Variants in GYS1 observed in about 807,000 individuals in gnomAD.
The protein encoded by GYS1 is glycogen synthase 1.
A neutral mutation model predicts 89.1 loss-of-function variants in GYS1; 60 were observed. The ratio of observed to expected loss-of-function variants is 0.67; its 90% CI spans 0.55 to 0.84. The LOEUF (loss-of-function observed/expected upper bound fraction) is 0.84. Among genes scored for constraint, GYS1 ranks in the 40% least tolerant of loss-of-function variants. The pLI, the probability that GYS1 is intolerant of heterozygous loss-of-function variation, is 0.00. For missense variants in GYS1, 888 were observed against 1,003.1 expected, an observed-to-expected ratio of 0.89 and a Z score of 1.55; for synonymous variants, 366 against 401.7, an observed-to-expected ratio of 0.91 and a Z score of 1.06.
At position 48,985,907 on chromosome 19, in the gene GYS1, C is replaced by G. The variant is rs767865045; in HGVS notation, c.621G>C (p.Thr207=). The G allele has an allele frequency of 6.2e-7, 1 of 1,614,130 alleles. No individual in the cohort carries two copies. Among genetic ancestry groups the G allele is most frequent in the Non-Finnish European group, 8.5e-7 (1 of 1,180,036 alleles). The change falls in exon 4 of 16, where the codon ACG becomes ACC. Residue 207 remains threonine (T), a synonymous_variant. Transcript: ENST00000323798. ...CGGCACACAGGTAGCGCCCCAGCAG[C>G]GTGGCATGGGTGGTGAAGATGGTTG... The part of the protein sequence containing the change: ...PVATIFTTHA[T]LLGRYLCAGA...
intron 2 of GYS1, among the ~76,000 whole-genome samples, chr19:48,988,598 G>A (rs978073905): frequency 6.6e-6 from 1 of 152,142 alleles, no homozygotes; most frequent in Non-Finnish European, 1.5e-5. Context: ...GATTAGAAGT[G>A]TGAGCCACCT....
In GYS1 at chr19:48,974,186, A is replaced by G. The variant is rs747938915; in HGVS notation, c.1549+27T>C. Reference sequence around the variant, plus strand: ...TAGCTCTGACTAGGATGCCATGACCACGCTGTCCCCTGCCCACTACACTCA... The same window carrying G: ...TAGCTCTGACTAGGATGCCATGACCGCGCTGTCCCCTGCCCACTACACTCA... On this transcript the variant is annotated intron_variant, in intron 12 of 15. Transcript: ENST00000323798. 3.9e-5 allele frequency: 61 copies of G among 1,574,372 alleles called. No individual in the cohort carries two copies. The Middle Eastern group carries it at 1.2e-3, about 30-fold the overall frequency.
At chr19:48,983,430 T>C (rs922835035) in intron 5 of GYS1, among the ~76,000 whole-genome samples, 3 of 152,232 alleles carry the variant, frequency 2.0e-5, no homozygotes, top group African/African-American at 7.2e-5. Flanking sequence ...CTGGTGATTC[T>C]GGGAAAGTTG....
At chr19:48,988,579 A>G (rs2038876030) in intron 2 of GYS1, among the ~76,000 whole-genome samples, 2 of 151,544 alleles carry the variant, frequency 1.3e-5, no homozygotes, top group African/African-American at 2.4e-5. Flanking sequence ...TAGCCTCCCA[A>G]AGTGTTGAGA....
intron 8 of GYS1, among the ~76,000 whole-genome samples, chr19:48,979,660 T>C (rs1006597348): frequency 4.8e-4 from 70 of 145,246 alleles, no homozygotes; most frequent in African/African-American, 1.7e-3. Context: ...TTTTTTTTTT[T>C]TTTTTTGAGA....
chr19:48,979,336 CTTTTTTTTTTTTTTTTTTTTTTTTT>C (rs777178030), intron 8 of GYS1, among the ~76,000 whole-genome samples: 33 of 92,772 alleles, frequency 3.6e-4, no homozygotes, highest in Admixed American at 2.8e-3. Context: ...TTTTTCTTTT[CTTTTTTTTTTTTTTTTTTTTTTTTT>C]TTTTTTTTTT....
At chr19:48,987,729 C>T (rs148496709) in intron 2 of GYS1, among the ~76,000 whole-genome samples, 1,640 of 151,518 alleles carry the variant, frequency 0.011, 26 homozygotes, top group African/African-American at 0.038. Context: ...CTCTGTCTCC[C>T]GGGTTCAAGC....
chr19:48,990,611 TCTA>T (rs1193818702), intron 2 of GYS1, among the ~76,000 whole-genome samples: 1 of 152,190 alleles, frequency 6.6e-6, no homozygotes, highest in Admixed American at 6.5e-5. Flanking sequence ...TGCCAAGAAC[TCTA>T]CTAACCACTT....
chr19:48,971,858 A>G (rs563760336), intron 12 of GYS1, among the ~76,000 whole-genome samples: 6 of 145,884 alleles, frequency 4.1e-5, no homozygotes, highest in East Asian at 4.0e-4. Context: ...GCCTGGCCCA[A>G]TGCTTTTTTT....
rs908775314 is a variant in GYS1 at position 48,968,288 on chromosome 19, T to C, written c.*1000A>G. On this transcript the variant is annotated 3_prime_UTR_variant, in exon 16 of 16. Coordinates refer to ENST00000323798, the MANE Select transcript of GYS1 (RefSeq NM_002103.5). ...ACCAAAGCTGAAGGCAGGGCACAGTTTGGGGATGGAAGAGCCTCGAGGTAA... is the reference window on the plus strand; with the variant it reads ...ACCAAAGCTGAAGGCAGGGCACAGTCTGGGGATGGAAGAGCCTCGAGGTAA... 2 of 454,176 alleles carry C rather than the reference T, an allele frequency of 4.4e-6. No individual in the cohort carries two copies. The highest frequency in any genetic ancestry group is 4.0e-5 in the African/African-American group (2 of 49,914). 28.1% of individuals were successfully genotyped at this position (454,176 alleles called of 1,614,324 possible).
Position 48,968,640 on chromosome 19 carries a change from C to G in GYS1, c.*648G>C. The stretch of plus-strand genomic sequence containing the variant: ...ATGAGCAGCCAAGTGGTTCTACCAC[C>G]TCTTGCTTGGCCAAAGTGTAGGGGA... On this transcript the variant is annotated 3_prime_UTR_variant, in exon 16 of 16. Coordinates refer to ENST00000323798, the MANE Select transcript of GYS1 (RefSeq NM_002103.5). 1 of 454,204 alleles carries G rather than the reference C, an allele frequency of 2.2e-6. No individual in the cohort carries two copies. Among genetic ancestry groups the G allele is most frequent in the Non-Finnish European group, 4.4e-6 (1 of 226,794 alleles). 28.1% of individuals were successfully genotyped at this position (454,204 alleles called of 1,614,324 possible).
chr19:48,972,183 C>T (rs1176503294), intron 12 of GYS1, among the ~76,000 whole-genome samples: 1 of 150,802 alleles, frequency 6.6e-6, no homozygotes, highest in Non-Finnish European at 1.5e-5. Context: ...AATAAAAATA[C>T]AAAAATTAGC....
In GYS1 at chr19:48,984,451, A is replaced by T. The variant is rs557462558; in HGVS notation, c.823+1010T>A. On this transcript the variant is annotated intron_variant, in intron 5 of 15. Transcript: ENST00000323798. ...CGCTCTGTTGTCCAGGCTGGAGTGC[A>T]GTGGTGTGATCTCGGCCCACTGCAA... Among the ~76,000 whole-genome samples, 4 of 148,994 alleles carry T rather than the reference A, an allele frequency of 2.7e-5. No homozygotes were observed. In the East Asian group the frequency reaches 8.2e-4, roughly 30 times the overall value.
intron 8 of GYS1, among the ~76,000 whole-genome samples, chr19:48,979,523 G>T (rs781611548): frequency 2.0e-5 from 3 of 150,982 alleles, no homozygotes; most frequent in Admixed American, 6.6e-5. Context: ...TTTTAGTACC[G>T]ATGGGATTTC....
Position 48,969,443 on chromosome 19 carries a change from T to C in GYS1, c.2059A>G (p.Asn687Asp). Residue 687 changes from asparagine to aspartate, a missense_variant, in exon 16 of 16, where the codon AAC (asparagine) becomes GAC (aspartate). Asn to Asp is a conservative substitution (Grantham distance 23). Coordinates refer to ENST00000323798, the MANE Select transcript of GYS1 (RefSeq NM_002103.5). The part of the protein sequence containing the change: ...EDEEAAKDRR[N>D]IRAPEWPRRA... ...CGCGGCCACTCTGGTGCACGGATGT[T>C]GCGCCGGTCCTTGGCGGCCTCCTCG... 6.5e-7 allele frequency: 1 copy of C among 1,545,540 alleles called. No homozygotes were observed. Among genetic ancestry groups the C allele is most frequent in the African/African-American group, 1.4e-5 (1 of 73,096 alleles).
At chr19:48,973,472 A>T (rs2038596853) in intron 12 of GYS1, among the ~76,000 whole-genome samples, 1 of 151,628 alleles carries the variant, frequency 6.6e-6, no homozygotes, top group Non-Finnish European at 1.5e-5. Flanking sequence ...TTAAATTACT[A>T]ATAAATTAGG....
rs2038858785 is a variant in GYS1, at chr19:48,987,371, G to C, written c.315C>G (p.Arg105=). 1 of 1,604,600 alleles carries C rather than the reference G, an allele frequency of 6.2e-7. No homozygotes were observed. The highest frequency in any genetic ancestry group is 1.3e-5 in the African/African-American group (1 of 74,832). The stretch of plus-strand genomic sequence containing the variant: ...CCAGAGGGCCTCCCTCGATCAGCCA[G>C]CGCCCGAAATACACCTGGGATGGGG... ...NSKGCKVYFG[R]WLIEGGPLVV... The change falls in exon 3 of 16, where the codon CGC becomes CGG. Residue 105 remains arginine (R), a synonymous_variant. Transcript: ENST00000323798.
Position 48,981,574 on chromosome 19 carries a change from G to T in GYS1, c.1125C>A (p.Phe375Leu), listed in dbSNP as rs766357976. The T allele has an allele frequency of 1.2e-6, 2 of 1,613,648 alleles. No homozygotes were observed. The highest frequency in any genetic ancestry group is 2.2e-5 in the East Asian group (1 of 44,878). ...CTTGGCCTTTGAGGGTTTCCACGTT[G>T]AAATTGTTGGTCCGCGCTGGCATGA... is the stretch of plus-strand genomic sequence containing the variant. ...FFIMPARTNN[F>L]NVETLKGQAV... The change falls in exon 8 of 16, where the codon TTC (phenylalanine) becomes TTA (leucine). Residue 375 changes from phenylalanine to leucine, a missense_variant. Phe to Leu is a conservative substitution (Grantham distance 22, BLOSUM62 0). Coordinates refer to ENST00000323798, the MANE Select transcript of GYS1 (RefSeq NM_002103.5).
Position 48,985,839 on chromosome 19 carries a change from T to G in GYS1, c.678+11A>C. The G allele has an allele frequency of 6.2e-7, 1 of 1,612,698 alleles. No homozygotes were observed. The highest frequency in any genetic ancestry group is 8.5e-7 in the Non-Finnish European group (1 of 1,179,896). ...ACTCGCAGTCCCCCATCTGCCACGGTCCCAGCTCACGTTCTCCAGGTTGTT... is the reference window on the plus strand; with the variant it reads ...ACTCGCAGTCCCCCATCTGCCACGGGCCCAGCTCACGTTCTCCAGGTTGTT... On this transcript the variant is annotated intron_variant, in intron 4 of 15. Coordinates refer to ENST00000323798, the MANE Select transcript of GYS1 (RefSeq NM_002103.5).
Sources: allele counts gnomAD v4.1 joint callset (sites outside exome capture counted in the v4.1 genomes callset), GRCh38; gene constraint gnomAD v4.1.1; transcripts MANE v1.5; gene names NCBI Gene and HGNC (gene_info 2026-07-23, HGNC 2026-07-21).